The following PLEKHM3 variants were observed in gnomAD, a reference collection of about 807,000 sequenced individuals.
PLEKHM3 encodes pleckstrin homology domain containing M3.
PLEKHM3 carries 45 observed loss-of-function variants against 81.8 expected under a neutral mutation model. The ratio of observed to expected loss-of-function variants is 0.55; its 90% CI spans 0.43 to 0.71. The LOEUF is 0.71. PLEKHM3 is among the 30% of genes least tolerant of loss of function. The probability of loss-of-function intolerance (pLI) is 0.00; values close to 1 mark genes in which losing one functional copy is unlikely to be tolerated. For synonymous variants in PLEKHM3, 352 were observed against 356.4 expected, an observed-to-expected ratio of 0.99 and a Z score of 0.14; for missense variants, 788 against 924.3, an observed-to-expected ratio of 0.85 and a Z score of 1.91.
At chr2:207,866,623 C>T (rs576283013) in intron 6 of PLEKHM3, among the ~76,000 whole-genome samples, 31 of 152,316 alleles carry the variant, frequency 2.0e-4, no homozygotes, top group African/African-American at 6.7e-4. Flanking sequence ...AAACTCATTT[C>T]GTATTTCTTA....
At chr2:207,884,278 C>T (rs1183815006) in intron 6 of PLEKHM3, among the ~76,000 whole-genome samples, 2 of 152,048 alleles carry the variant, frequency 1.3e-5, no homozygotes, top group Non-Finnish European at 2.9e-5. Flanking sequence ...AGATCAGGAA[C>T]TAGATACGAT....
At chr2:207,888,191 G>C (rs1200402844) in intron 6 of PLEKHM3, among the ~76,000 whole-genome samples, 1 of 151,940 alleles carries the variant, frequency 6.6e-6, no homozygotes, top group Non-Finnish European at 1.5e-5. Flanking sequence ...TTTCTCCACA[G>C]ACCTTTTCAT....
At chr2:207,979,674 T>C (rs1309606117) in intron 2 of PLEKHM3, among the ~76,000 whole-genome samples, 3 of 152,174 alleles carry the variant, frequency 2.0e-5, no homozygotes, top group East Asian at 3.8e-4. Flanking sequence ...CATAAACTAA[T>C]TGAGACATTC....
chr2:208,016,288 G>C (rs935055008), intron 1 of PLEKHM3, among the ~76,000 whole-genome samples: 2 of 152,092 alleles, frequency 1.3e-5, no homozygotes, highest in Admixed American at 1.3e-4. Context: ...AATGTATGTA[G>C]GGTTCAAACA....
rs373920637 is a variant in PLEKHM3 at position 207,858,174 on chromosome 2, G to GTGTGTATA, written c.2108+2930_2108+2931insTATACACA. 1.2e-4 allele frequency among the ~76,000 whole-genome samples: 15 copies of GTGTGTATA among 123,300 alleles called. No homozygotes were observed. The South Asian group carries it at 1.2e-3, about 10-fold the overall frequency. 80.9% of individuals were successfully genotyped at this position (123,300 alleles called of 152,430 possible). On this transcript the variant is annotated intron_variant, in intron 7 of 7. Coordinates refer to ENST00000427836, the MANE Select transcript of PLEKHM3 (RefSeq NM_001080475.3). ...TGTGTGTGTGTGTGTGTGTGTGTGTGTATATATTTTTTTTTTTGAGATGAA... is the reference window on the plus strand; with the variant it reads ...TGTGTGTGTGTGTGTGTGTGTGTGTGTGTGTATATATATATTTTTTTTTTTGAGATGAA...
At chr2:207,974,835 CTTT>C (rs1239861236) in intron 3 of PLEKHM3, among the ~76,000 whole-genome samples, 2 of 142,908 alleles carry the variant, frequency 1.4e-5, no homozygotes, top group Non-Finnish European at 3.1e-5. Context: ...AGTAGAGCTT[CTTT>C]TTTTTTTTTT....
intron 2 of PLEKHM3, among the ~76,000 whole-genome samples, chr2:207,984,650 G>C (rs1303856314): frequency 6.6e-6 from 1 of 152,176 alleles, no homozygotes; most frequent in African/African-American, 2.4e-5. Context: ...CAAAGTGCTG[G>C]GGTAACAGGC....
intron 1 of PLEKHM3, among the ~76,000 whole-genome samples, chr2:208,014,669 C>T (rs1692819764): frequency 6.6e-6 from 1 of 152,222 alleles, no homozygotes; most frequent in Admixed American, 6.5e-5. Context: ...GTAGTAAGAA[C>T]TATGTTTTCA....
chr2:207,941,618 G>C (rs1169230841), intron 4 of PLEKHM3, among the ~76,000 whole-genome samples: 1 of 152,100 alleles, frequency 6.6e-6, no homozygotes, highest in Non-Finnish European at 1.5e-5. Context: ...AAAATAGATA[G>C]GTAGGATTAC....
chr2:207,908,643 T>C, intron 5 of PLEKHM3, 66 bp from the exon 6 acceptor site: 9 of 1,421,008 alleles, frequency 6.3e-6, no homozygotes, highest in Non-Finnish European at 8.8e-6. Context: ...TTCTGATAAG[T>C]TTCAGTCTCA....
At chr2:207,929,929 T>C (rs1689531496) in intron 5 of PLEKHM3, 9 of 698,764 alleles carry the variant, frequency 1.3e-5, no homozygotes, top group Non-Finnish European at 2.3e-5. Flanking sequence ...TAATGCATGC[T>C]GCTGGTCATT....
chr2:207,847,912 T>A (rs1450277031), intron 7 of PLEKHM3, among the ~76,000 whole-genome samples: 2 of 152,208 alleles, frequency 1.3e-5, no homozygotes, highest in Non-Finnish European at 2.9e-5. Context: ...GCCAAGGCTG[T>A]TGTTCTCTAT....
At chr2:207,949,815 A>C (rs1278139733) in intron 3 of PLEKHM3, among the ~76,000 whole-genome samples, 2 of 152,158 alleles carry the variant, frequency 1.3e-5, no homozygotes, top group African/African-American at 4.8e-5. Flanking sequence ...ATCAGTAAGC[A>C]TTTGCTGGAT....
At chr2:207,877,674 G>T (rs910652088) in intron 6 of PLEKHM3, among the ~76,000 whole-genome samples, 1 of 152,188 alleles carries the variant, frequency 6.6e-6, no homozygotes, top group Non-Finnish European at 1.5e-5. Flanking sequence ...AAAAACTGAA[G>T]TATAACACAT....
At chr2:207,925,133 T>G (rs944167812) in intron 5 of PLEKHM3, among the ~76,000 whole-genome samples, 1 of 138,546 alleles carries the variant, frequency 7.2e-6, no homozygotes, top group African/African-American at 2.6e-5. Context: ...AACAGGGTTG[T>G]TTTTTTGTTT....
At chr2:207,963,652 A>G (rs1370697584) in intron 3 of PLEKHM3, among the ~76,000 whole-genome samples, 1 of 152,184 alleles carries the variant, frequency 6.6e-6, no homozygotes, top group Non-Finnish European at 1.5e-5. Flanking sequence ...AAAATTAGGC[A>G]TGATATTAGG....
At chr2:207,876,590 C>T (rs1347527580) in intron 6 of PLEKHM3, among the ~76,000 whole-genome samples, 1 of 152,176 alleles carries the variant, frequency 6.6e-6, no homozygotes, top group East Asian at 1.9e-4. Flanking sequence ...ATTAGAATGA[C>T]TTATGCAGTG....
chr2:207,867,470 T>C (rs920964098), intron 6 of PLEKHM3, among the ~76,000 whole-genome samples: 2 of 152,184 alleles, frequency 1.3e-5, no homozygotes, highest in Non-Finnish European at 2.9e-5. Flanking sequence ...GGTAAAGATA[T>C]ATTCAGAAGG....
intron 4 of PLEKHM3, among the ~76,000 whole-genome samples, chr2:207,934,210 T>C: frequency 6.6e-6 from 1 of 152,220 alleles, no homozygotes; most frequent in East Asian, 1.9e-4. Flanking sequence ...ATGTGAACAC[T>C]GACTATGTTC....
Sources: gnomAD v4.1 joint callset for allele counts (sites outside exome capture counted in the v4.1 genomes callset) on GRCh38, gnomAD v4.1.1 for gene constraint, MANE v1.5 for transcripts, NCBI Gene and HGNC (gene_info 2026-07-23, HGNC 2026-07-21) for gene names.